Variants in ZBTB16 observed in about 807,000 individuals in gnomAD.
ZBTB16 encodes the protein zinc finger and BTB domain containing 16.
A neutral mutation model predicts 56.8 loss-of-function variants in ZBTB16; 8 were observed. The observed-to-expected ratio is 0.14, with a 90% CI of 0.08 to 0.25. ZBTB16 has a LOEUF of 0.25. Among genes scored for constraint, ZBTB16 ranks in the 10% least tolerant of loss-of-function variants. ZBTB16 has a pLI of 1.00. For synonymous variants in ZBTB16, 363 were observed against 368.5 expected, an observed-to-expected ratio of 0.98 and a Z score of 0.17; for missense variants, 625 against 903.0, an observed-to-expected ratio of 0.69 and a Z score of 3.95.
chr11:114,084,105 T>G (rs564372364), intron 2 of ZBTB16, among the ~76,000 whole-genome samples: 7 of 152,356 alleles, frequency 4.6e-5, no homozygotes, highest in Admixed American at 1.3e-4. Context: ...TCCTATTGTT[T>G]CCATTGCATG....
chr11:114,156,122 A>G (rs1384167897), intron 2 of ZBTB16, among the ~76,000 whole-genome samples: 9 of 152,188 alleles, frequency 5.9e-5, no homozygotes, highest in African/African-American at 1.4e-4. Context: ...CCCGTGGACA[A>G]GACCAGGAAT....
chr11:114,229,797 G>A (rs1837573308), intron 4 of ZBTB16, among the ~76,000 whole-genome samples: 1 of 152,186 alleles, frequency 6.6e-6, no homozygotes, highest in Admixed American at 6.5e-5. Flanking sequence ...AACACAGACT[G>A]GGTTTTAGCT....
intron 2 of ZBTB16, among the ~76,000 whole-genome samples, chr11:114,134,565 A>G (rs1289648191): frequency 6.6e-6 from 1 of 152,216 alleles, no homozygotes; most frequent in Non-Finnish European, 1.5e-5. Flanking sequence ...AGCCCTTTAT[A>G]CTTAGGACTG....
intron 2 of ZBTB16, among the ~76,000 whole-genome samples, chr11:114,110,132 G>T (rs1311886370): frequency 2.0e-5 from 3 of 152,134 alleles, no homozygotes; most frequent in Non-Finnish European, 4.4e-5. Context: ...GGTATTTAGG[G>T]CTCTTGGTGG....
intron 2 of ZBTB16, among the ~76,000 whole-genome samples, chr11:114,086,756 C>G (rs1939969195): frequency 6.6e-6 from 1 of 152,120 alleles, no homozygotes; most frequent in Admixed American, 6.5e-5. Context: ...TTTCATTTGC[C>G]CTGAGAGCTC....
chr11:114,089,831 G>T (rs1221222607), intron 2 of ZBTB16, among the ~76,000 whole-genome samples: 1 of 152,208 alleles, frequency 6.6e-6, no homozygotes, highest in South Asian at 2.1e-4. Flanking sequence ...TCTAGACTTC[G>T]CAGGTAAAAC....
chr11:114,256,456 A>G lies in ZBTB16; in HGVS notation c.*5901A>G, dbSNP rs188821341. The stretch of plus-strand genomic sequence containing the variant: ...ATTGCACGGCTGGTGAGCAGCAGTC[A>G]GAACTCCATCCACCTCTCCTGATAC... On this transcript the variant is annotated 3_prime_UTR_variant, in exon 7 of 7. Transcript: ENST00000335953. Among the ~76,000 whole-genome samples, 44 of 152,338 alleles carry G rather than the reference A, an allele frequency of 2.9e-4. No homozygotes were observed. In the East Asian group the frequency reaches 7.7e-3, roughly 27 times the overall value.
At chr11:114,112,443 G>A (rs980126720) in intron 2 of ZBTB16, among the ~76,000 whole-genome samples, 3 of 152,290 alleles carry the variant, frequency 2.0e-5, no homozygotes, top group Admixed American at 2.0e-4. Context: ...GGGAGGGATA[G>A]AGAGGGCACG....
At chr11:114,083,342 A>G (rs376672941) in intron 2 of ZBTB16, among the ~76,000 whole-genome samples, 2 of 152,232 alleles carry the variant, frequency 1.3e-5, no homozygotes, top group South Asian at 2.1e-4. Context: ...CCTGCAGTAT[A>G]GACATCCTCC....
intron 2 of ZBTB16, among the ~76,000 whole-genome samples, chr11:114,103,178 G>A (rs1940674679): frequency 6.6e-6 from 1 of 152,212 alleles, no homozygotes; most frequent in Non-Finnish European, 1.5e-5. Flanking sequence ...GCCATTGAAA[G>A]CATTCTCCTG....
At chr11:114,070,737 G>T (rs553244221) in intron 2 of ZBTB16, among the ~76,000 whole-genome samples, 118 of 152,272 alleles carry the variant, frequency 7.7e-4, no homozygotes, top group Non-Finnish European at 1.2e-3. Context: ...CTTCCTTGAC[G>T]TCAATCCTAA....
intron 2 of ZBTB16, among the ~76,000 whole-genome samples, chr11:114,087,284 A>G (rs1939990458): frequency 6.6e-6 from 1 of 152,208 alleles, no homozygotes; most frequent in South Asian, 2.1e-4. Flanking sequence ...TGTGGTTTCC[A>G]CAAGCAACCC....
chr11:114,197,083 A>T (rs971028968), intron 4 of ZBTB16, among the ~76,000 whole-genome samples: 5 of 152,170 alleles, frequency 3.3e-5, no homozygotes, highest in African/African-American at 1.2e-4. Flanking sequence ...CACAATCCAA[A>T]CTAGAATTAG....
chr11:114,176,772 A>G (rs1943125356), intron 3 of ZBTB16, among the ~76,000 whole-genome samples: 1 of 152,210 alleles, frequency 6.6e-6, no homozygotes. Flanking sequence ...CAAGGGTTAC[A>G]CAGCTCAGGC....
At chr11:114,118,920 G>A (rs1438999678) in intron 2 of ZBTB16, among the ~76,000 whole-genome samples, 1 of 152,144 alleles carries the variant, frequency 6.6e-6, no homozygotes, top group East Asian at 1.9e-4. Context: ...AGATGGCTCA[G>A]ACAGTGACTT....
intron 4 of ZBTB16, among the ~76,000 whole-genome samples, chr11:114,205,159 C>CA (rs1285623309): frequency 6.6e-6 from 1 of 152,082 alleles, no homozygotes; most frequent in East Asian, 1.9e-4. Context: ...CCTGTAATCC[C>CA]AGCACTTTGG....
chr11:114,239,481 G>A (rs900022986), intron 4 of ZBTB16, among the ~76,000 whole-genome samples: 7 of 152,154 alleles, frequency 4.6e-5, no homozygotes, highest in African/African-American at 9.7e-5. Flanking sequence ...GGCACAGAAC[G>A]CATTGCAGAT....
chr11:114,136,033 C>A (rs901339562), intron 2 of ZBTB16, among the ~76,000 whole-genome samples: 1 of 151,982 alleles, frequency 6.6e-6, no homozygotes, highest in East Asian at 1.9e-4. Flanking sequence ...TGTGGAATCT[C>A]GTGGCAAGGG....
intron 4 of ZBTB16, among the ~76,000 whole-genome samples, chr11:114,209,073 C>T (rs1324697205): frequency 2.0e-5 from 3 of 152,078 alleles, no homozygotes; most frequent in East Asian, 1.9e-4. Flanking sequence ...TGCCCGCATC[C>T]GAAGATAACT....
Sources: allele counts gnomAD v4.1 joint callset (sites outside exome capture counted in the v4.1 genomes callset), GRCh38; gene constraint gnomAD v4.1.1; transcripts MANE v1.5; gene names NCBI Gene and HGNC (gene_info 2026-07-23, HGNC 2026-07-21).